PCLO: variants seen among roughly 807,000 people sequenced by gnomAD.
PCLO encodes the protein protein piccolo.
PCLO carries 82 observed loss-of-function variants against 427.5 expected under a neutral mutation model. The ratio of observed to expected loss-of-function variants is 0.19; its 90% CI spans 0.16 to 0.23. The LOEUF (loss-of-function observed/expected upper bound fraction) is 0.23, where lower values mean the gene tolerates loss of function less well. PCLO is among the 10% of genes least tolerant of loss of function. The pLI is 1.00. For missense variants in PCLO, 6,239 were observed against 6,115.9 expected, an observed-to-expected ratio of 1.02 and a Z score of -0.67; for synonymous variants, 2,357 against 2,155.4, an observed-to-expected ratio of 1.09 and a Z score of -2.59.
Position 83,134,244 on chromosome 7 carries a change from A to AT in PCLO, c.3300+5_3300+6insA. On this transcript the variant is annotated splice_donor_region_variant and intron_variant, in intron 3 of 24. Coordinates refer to ENST00000333891, the MANE Select transcript of PCLO (RefSeq NM_033026.6). ...ATATATATATATATATATATATATA[A>AT]CTTACCTCAGTCAAATGTGGTGTAG... 1.4e-6 allele frequency: 1 copy of AT among 731,046 alleles called. No individual in the cohort carries two copies. Among genetic ancestry groups the AT allele is most frequent in the Non-Finnish European group, 2.0e-6 (1 of 500,820 alleles). 45.3% of individuals were successfully genotyped at this position (731,046 alleles called of 1,614,324 possible). A position where few individuals can be genotyped will look rare whatever the true frequency, so the allele number is the denominator to read the frequency against.
chr7:82,949,825 T>C lies in PCLO; in HGVS notation c.10763A>G (p.Lys3588Arg). Reference protein sequence around the residue: ...PQYLSATSPPKDKKRPTPLEI... With the variant: ...PQYLSATSPPRDKKRPTPLEI... ...TAAAGGTGTTGGGCGTTTCTTGTCT[T>C]TGGGTGGAGATGTGGCACTCAGATA... Residue 3588 changes from lysine to arginine, a missense_variant, in exon 6 of 25, where the codon AAA becomes AGA. By Grantham distance (26) the Lys-to-Arg change is conservative (BLOSUM62 2). Transcript: ENST00000333891. 6.2e-7 allele frequency: 1 copy of C among 1,613,796 alleles called. No homozygotes were observed. Among genetic ancestry groups the C allele is most frequent in the East Asian group, 2.2e-5 (1 of 44,856 alleles).
At chr7:83,038,057 A>ATT in intron 3 of PCLO, among the ~76,000 whole-genome samples, 1 of 50,284 alleles carries the variant, frequency 2.0e-5, no homozygotes, top group African/African-American at 7.6e-5. Context: ...ATATCTTTAT[A>ATT]TATATATTTA....
chr7:83,070,523 G>T (rs530005887), intron 3 of PCLO, among the ~76,000 whole-genome samples: 2 of 151,768 alleles, frequency 1.3e-5, no homozygotes, highest in Non-Finnish European at 2.9e-5. Context: ...GAGTAGCTGC[G>T]ACTACAGGTG....
chr7:82,912,649 TATCTCATCCTCTA>T (rs1794350586), intron 7 of PCLO, among the ~76,000 whole-genome samples: 1 of 152,092 alleles, frequency 6.6e-6, no homozygotes, highest in African/African-American at 2.4e-5. Context: ...TGCTGCATGG[TATCTCATCCTCTA>T]TTTTATCAAA....
chr7:82,959,354 G>A (rs949082736), intron 4 of PCLO, among the ~76,000 whole-genome samples: 6 of 152,074 alleles, frequency 3.9e-5, no homozygotes, highest in Admixed American at 6.5e-5. Context: ...GTGAGCCACC[G>A]TGCCTGGCCA....
chr7:82,780,671 G>A (rs73157796), intron 22 of PCLO, among the ~76,000 whole-genome samples: 33,792 of 152,114 alleles, frequency 0.22, 4,936 homozygotes, highest in Non-Finnish European at 0.32. Context: ...CCTCAGCCTC[G>A]CGAGTGGCTT....
chr7:82,900,055 G>A lies in PCLO; in HGVS notation c.13528+2596C>T, dbSNP rs1465844498. On this transcript the variant is annotated intron_variant, in intron 9 of 24. Transcript: ENST00000333891. ...ATTACTTCCACAACAAGAGCCCTTG[G>A]ATTTTAACATTCACCCTGGAATTTT... Among the ~76,000 whole-genome samples, 3 of 151,516 alleles carry A rather than the reference G, an allele frequency of 2.0e-5. No homozygotes were observed. The East Asian group carries it at 5.8e-4, about 29-fold the overall frequency.
At chr7:83,134,213 T>C in intron 3 of PCLO, 37 bp downstream of exon 3, 1 of 519,488 alleles carries the variant, frequency 1.9e-6, no homozygotes. Context: ...CTCACCTCCA[T>C]ATGTAATATA....
chr7:82,995,677 T>C (rs1464556678), intron 3 of PCLO, among the ~76,000 whole-genome samples: 6 of 152,018 alleles, frequency 3.9e-5, no homozygotes, highest in African/African-American at 1.4e-4. Flanking sequence ...GACCCAAGGC[T>C]GCTACTTCCT....
chr7:83,105,259 A>T (rs570123114), intron 3 of PCLO, among the ~76,000 whole-genome samples: 2 of 152,202 alleles, frequency 1.3e-5, no homozygotes, highest in Admixed American at 1.3e-4. Context: ...ATCCTGACAG[A>T]TATCTCTGCA....
At chr7:82,827,522 G>GA (rs1391366035) in intron 17 of PCLO, among the ~76,000 whole-genome samples, 7 of 151,984 alleles carry the variant, frequency 4.6e-5, no homozygotes, top group Non-Finnish European at 1.5e-5. Flanking sequence ...TATTGTGTAT[G>GA]AAAGTCAAAA....
intron 10 of PCLO, among the ~76,000 whole-genome samples, chr7:82,869,086 C>A (rs897019501): frequency 2.6e-5 from 4 of 151,802 alleles, no homozygotes; most frequent in African/African-American, 7.3e-5. Context: ...AGAACTAGTT[C>A]AAAAAATCCA....
At chr7:82,865,562 A>G (rs2115944368) in intron 10 of PCLO, among the ~76,000 whole-genome samples, 1 of 152,158 alleles carries the variant, frequency 6.6e-6, no homozygotes, top group East Asian at 1.9e-4. Flanking sequence ...ACTAAAATAT[A>G]TGGATTTATT....
intron 10 of PCLO, among the ~76,000 whole-genome samples, chr7:82,855,734 G>A (rs7795945): frequency 0.26 from 39,153 of 151,866 alleles, 5,369 homozygotes; most frequent in Middle Eastern, 0.31. Context: ...AGAAGACAAT[G>A]TCGTATTTCT....
At chr7:82,893,567 TATAATAAATAAAA>T (rs1022553151) in intron 9 of PCLO, among the ~76,000 whole-genome samples, 31 of 151,820 alleles carry the variant, frequency 2.0e-4, no homozygotes, top group African/African-American at 6.8e-4. Context: ...AAACTTAAAG[TATAATAAATAAAA>T]ATAATAAATA....
intron 20 of PCLO, chr7:82,821,182 A>G: frequency 3.0e-6 from 3 of 997,382 alleles, no homozygotes; most frequent in Non-Finnish European, 3.6e-6. Context: ...CTTGGTTGCC[A>G]TTGGCTGGTG....
At chr7:82,860,316 G>C (rs942137430) in intron 10 of PCLO, among the ~76,000 whole-genome samples, 2 of 149,810 alleles carry the variant, frequency 1.3e-5, no homozygotes, top group African/African-American at 4.9e-5. Flanking sequence ...AGCAGCAAGA[G>C]AAAAAAAAAT....
intron 9 of PCLO, among the ~76,000 whole-genome samples, chr7:82,881,224 A>C (rs894362461): frequency 6.6e-6 from 1 of 152,164 alleles, no homozygotes; most frequent in Non-Finnish European, 1.5e-5. Flanking sequence ...CAAACAAAAA[A>C]GTGTAGTTGT....
intron 6 of PCLO, among the ~76,000 whole-genome samples, chr7:82,946,576 C>T (rs759241740): frequency 1.3e-5 from 2 of 151,986 alleles, no homozygotes; most frequent in South Asian, 2.1e-4. Flanking sequence ...AGTCAGCATA[C>T]GTATATCTGG....
Sources: gnomAD v4.1 joint callset for allele counts (sites outside exome capture counted in the v4.1 genomes callset) on GRCh38, gnomAD v4.1.1 for gene constraint, MANE v1.5 for transcripts, NCBI Gene and HGNC (gene_info 2026-07-23, HGNC 2026-07-21) for gene names.